RBMS3: variants seen among roughly 807,000 people sequenced by gnomAD.
RBMS3 encodes the protein RNA binding motif single stranded interacting protein 3.
A neutral mutation model predicts 66.8 loss-of-function variants in RBMS3; 27 were observed. The observed-to-expected ratio is 0.40, with a 90% CI of 0.30 to 0.56. RBMS3 has a LOEUF of 0.56. RBMS3 is among the 20% of genes least tolerant of loss of function. RBMS3 has a pLI of 0.40. For synonymous variants in RBMS3, 188 were observed against 183.0 expected, an observed-to-expected ratio of 1.03 and a Z score of -0.22; for missense variants, 513 against 549.5, an observed-to-expected ratio of 0.93 and a Z score of 0.66.
In RBMS3 at chr3:29,328,654, T is replaced by C. The variant is rs553301815; in HGVS notation, c.75+46898T>C. ...TCTCTTTTCTTCACTTAGTTAACTTTTATTTTTCCTTCTAATGAGAGCTCA... is the reference window on the plus strand; with the variant it reads ...TCTCTTTTCTTCACTTAGTTAACTTCTATTTTTCCTTCTAATGAGAGCTCA... On this transcript the variant is annotated intron_variant, in intron 1 of 14. Transcript: ENST00000383767. Among the ~76,000 whole-genome samples, 52 of 152,322 alleles carry C rather than the reference T, an allele frequency of 3.4e-4. 2 individuals are homozygous for C. The South Asian group carries it at 9.9e-3, about 29-fold the overall frequency.
intron 4 of RBMS3, chr3:29,615,937 G>C (rs1000249588): frequency 6.6e-6 from 1 of 152,168 alleles, no homozygotes; most frequent in Non-Finnish European, 1.5e-5. Context: ...AGAAGTTCTT[G>C]CTATGTAGAC....
At chr3:29,615,437 G>A (rs1276978297) in intron 4 of RBMS3, among the ~76,000 whole-genome samples, 2 of 151,508 alleles carry the variant, frequency 1.3e-5, no homozygotes, top group African/African-American at 4.9e-5. Flanking sequence ...AATTTAATGA[G>A]ATTATCTATA....
At chr3:29,997,004 A>C (rs1480468230) in intron 14 of RBMS3, among the ~76,000 whole-genome samples, 1 of 152,020 alleles carries the variant, frequency 6.6e-6, no homozygotes, top group Non-Finnish European at 1.5e-5. Flanking sequence ...AGATCAAAAA[A>C]ATTGATAGAC....
chr3:29,860,991 G>C (rs901386297), intron 6 of RBMS3, among the ~76,000 whole-genome samples: 3 of 152,118 alleles, frequency 2.0e-5, no homozygotes, highest in African/African-American at 7.2e-5. Flanking sequence ...AGCCTCCCGA[G>C]TAGCTGCAAC....
rs74675348 is a variant in RBMS3 at position 29,512,157 on chromosome 3, A to C, written c.307+23658A>C. Among the ~76,000 whole-genome samples, 267 of 152,200 alleles carry C rather than the reference A, an allele frequency of 1.8e-3. 7 individuals carry two copies. The East Asian group carries it at 0.04, about 23-fold the overall frequency. The stretch of plus-strand genomic sequence containing the variant: ...AGAAAGAAAAAATGGGAAAGTCTGC[A>C]CAATGAAAAGGTGGTCTTCCTTATT... On this transcript the variant is annotated intron_variant, in intron 3 of 14. Coordinates refer to ENST00000383767, the MANE Select transcript of RBMS3 (RefSeq NM_001003793.3).
intron 3 of RBMS3, among the ~76,000 whole-genome samples, chr3:29,533,743 C>CTCCA (rs1466368128): frequency 6.6e-6 from 1 of 152,172 alleles, no homozygotes; most frequent in Non-Finnish European, 1.5e-5. Context: ...CACCACTGCA[C>CTCCA]TCCAGCCTGG....
chr3:29,371,351 G>C (rs1482291639), intron 1 of RBMS3, among the ~76,000 whole-genome samples: 1 of 152,192 alleles, frequency 6.6e-6, no homozygotes, highest in African/African-American at 2.4e-5. Flanking sequence ...CAGTGAGCCT[G>C]GGAAATTCCT....
chr3:29,846,930 G>A (rs2058796468), intron 6 of RBMS3, among the ~76,000 whole-genome samples: 1 of 152,098 alleles, frequency 6.6e-6, no homozygotes, highest in African/African-American at 2.4e-5. Flanking sequence ...AAATATTAGA[G>A]TGAAATTTTT....
At chr3:29,505,634 T>C (rs1190403960) in intron 3 of RBMS3, among the ~76,000 whole-genome samples, 1 of 151,946 alleles carries the variant, frequency 6.6e-6, no homozygotes, top group Non-Finnish European at 1.5e-5. Flanking sequence ...TTGGAATTTT[T>C]ATATCAATCA....
At chr3:29,474,631 T>C (rs886922268) in intron 2 of RBMS3, among the ~76,000 whole-genome samples, 2 of 152,238 alleles carry the variant, frequency 1.3e-5, no homozygotes, top group East Asian at 1.9e-4. Context: ...GCACAATTTA[T>C]GTTTTCAAGT....
chr3:29,649,990 A>AT (rs988753472), intron 4 of RBMS3, among the ~76,000 whole-genome samples: 5 of 152,294 alleles, frequency 3.3e-5, no homozygotes, highest in Non-Finnish European at 5.9e-5. Flanking sequence ...GGAAGGACTG[A>AT]TTCCCTATTG....
chr3:29,651,515 A>G (rs2050143906), intron 4 of RBMS3, among the ~76,000 whole-genome samples: 1 of 152,236 alleles, frequency 6.6e-6, no homozygotes, highest in African/African-American at 2.4e-5. Flanking sequence ...TTCAGAATTA[A>G]GCAAAAAATT....
At chr3:29,734,579 A>C (rs2054296020) in intron 4 of RBMS3, among the ~76,000 whole-genome samples, 1 of 152,098 alleles carries the variant, frequency 6.6e-6, no homozygotes, top group African/African-American at 2.4e-5. Context: ...TAGTATATAA[A>C]GTAAGCAAGA....
chr3:29,978,661 C>CA (rs986609976), intron 12 of RBMS3, among the ~76,000 whole-genome samples: 24 of 149,636 alleles, frequency 1.6e-4, no homozygotes, highest in Admixed American at 4.7e-4. Context: ...ATGGAAAAAA[C>CA]AAAAAAAAAC....
At chr3:29,330,019 A>C (rs2035564338) in intron 1 of RBMS3, among the ~76,000 whole-genome samples, 1 of 151,862 alleles carries the variant, frequency 6.6e-6, no homozygotes, top group Non-Finnish European at 1.5e-5. Flanking sequence ...CTGGGCAACT[A>C]TTCAAATCTT....
At chr3:29,557,574 G>A (rs1021592978) in intron 3 of RBMS3, among the ~76,000 whole-genome samples, 2 of 152,198 alleles carry the variant, frequency 1.3e-5, no homozygotes, top group Non-Finnish European at 2.9e-5. Flanking sequence ...GCAGAGCAGA[G>A]GCTACAAGAG....
chr3:29,959,715 A>G (rs1477413662), intron 12 of RBMS3, among the ~76,000 whole-genome samples: 1 of 152,120 alleles, frequency 6.6e-6, no homozygotes, highest in African/African-American at 2.4e-5. Flanking sequence ...GAAACTTACA[A>G]TCGTGGTGGA....
intron 1 of RBMS3, among the ~76,000 whole-genome samples, chr3:29,318,694 A>G (rs1288980753): frequency 6.6e-6 from 1 of 151,942 alleles, no homozygotes; most frequent in African/African-American, 2.4e-5. Flanking sequence ...TAATTTATTC[A>G]CACATTCATC....
At chr3:29,774,357 T>C (rs528017833) in intron 6 of RBMS3, among the ~76,000 whole-genome samples, 6 of 152,140 alleles carry the variant, frequency 3.9e-5, no homozygotes, top group Admixed American at 6.6e-5. Context: ...TCAGGTCTCC[T>C]GTGAGTGAGC....
Sources: allele counts gnomAD v4.1 joint callset (sites outside exome capture counted in the v4.1 genomes callset), GRCh38; gene constraint gnomAD v4.1.1; transcripts MANE v1.5; gene names NCBI Gene and HGNC (gene_info 2026-07-23, HGNC 2026-07-21).